Variants in CBLB observed in about 807,000 individuals in gnomAD.
The protein encoded by CBLB is E3 ubiquitin-protein ligase CBL-B.
Under a neutral mutation model 104.9 loss-of-function variants are expected in CBLB, and 31 were observed. The ratio of observed to expected loss-of-function variants is 0.30; its 90% CI spans 0.22 to 0.40. CBLB has a LOEUF of 0.40. CBLB is among the 10% of genes least tolerant of loss of function. The pLI, the probability that CBLB is intolerant of heterozygous loss-of-function variation, is 1.00. For synonymous variants in CBLB, 440 were observed against 422.6 expected (o/e 1.04, Z -0.51); for missense variants, 1,062 against 1,214.6 (o/e 0.87, Z 1.87).
intron 9 of CBLB, among the ~76,000 whole-genome samples, chr3:105,732,745 GC>G (rs2074449622): frequency 6.6e-6 from 1 of 152,234 alleles, no homozygotes; most frequent in Non-Finnish European, 1.5e-5. Flanking sequence ...GAGTCTGTCA[GC>G]CCCCTTCCAT....
intron 9 of CBLB, chr3:105,723,921 T>C (rs776135162): frequency 1.3e-5 from 2 of 154,826 alleles, no homozygotes; most frequent in African/African-American, 2.4e-5. Flanking sequence ...GGTATATACA[T>C]AGGGCCTCCT....
At chr3:105,698,605 C>CAAAAAAAAAAAAAAAAAAA in intron 12 of CBLB, among the ~76,000 whole-genome samples, 2 of 80,818 alleles carry the variant, frequency 2.5e-5, no homozygotes, top group Non-Finnish European at 4.8e-5. Context: ...ACCATTTGAC[C>CAAAAAAAAAAAAAAAAAAA]AAAAAAAAAA....
intron 3 of CBLB, among the ~76,000 whole-genome samples, chr3:105,790,989 C>G (rs1168787273): frequency 6.6e-6 from 1 of 152,184 alleles, no homozygotes; most frequent in Non-Finnish European, 1.5e-5. Flanking sequence ...CCAGGGAGAA[C>G]TGCATGAGTG....
At chr3:105,847,392 CCACACACACACACA>C (rs112192218) in intron 3 of CBLB, among the ~76,000 whole-genome samples, 123 of 143,538 alleles carry the variant, frequency 8.6e-4, no homozygotes, top group African/African-American at 2.5e-3. Context: ...TAACCCTCCA[CCACACACACACACA>C]CACACACACA....
chr3:105,746,160 TTA>T, intron 5 of CBLB, 122 bp from the exon 6 acceptor site: 1 of 699,920 alleles, frequency 1.4e-6, no homozygotes. Flanking sequence ...TAATCTGACC[TTA>T]TGTGGTTTAG....
chr3:105,866,561 T>C (rs2092437555), intron 2 of CBLB, among the ~76,000 whole-genome samples: 1 of 152,180 alleles, frequency 6.6e-6, no homozygotes, highest in Admixed American at 6.5e-5. Context: ...AAAAAAAGAA[T>C]TATTAATTTT....
At chr3:105,788,007 TGG>T in intron 3 of CBLB, among the ~76,000 whole-genome samples, 1 of 152,176 alleles carries the variant, frequency 6.6e-6, no homozygotes, top group Admixed American at 6.5e-5. Flanking sequence ...ATATGCCCAC[TGG>T]GAAACTTATG....
intron 3 of CBLB, among the ~76,000 whole-genome samples, chr3:105,783,383 A>G (rs1030530801): frequency 6.6e-6 from 1 of 152,168 alleles, no homozygotes; most frequent in Non-Finnish European, 1.5e-5. Context: ...CTTTTTCCAT[A>G]TAACTATCAT....
intron 10 of CBLB, among the ~76,000 whole-genome samples, chr3:105,715,120 G>A (rs2071663333): frequency 6.6e-6 from 1 of 152,152 alleles, no homozygotes; most frequent in African/African-American, 2.4e-5. Flanking sequence ...CTGGCAAAAT[G>A]AAGCAAATCA....
intron 3 of CBLB, among the ~76,000 whole-genome samples, chr3:105,832,758 T>TTATC (rs2087762326): frequency 6.6e-6 from 1 of 152,226 alleles, no homozygotes; most frequent in Non-Finnish European, 1.5e-5. Flanking sequence ...GATGAGTGCA[T>TTATC]TATCTATCCT....
intron 3 of CBLB, among the ~76,000 whole-genome samples, chr3:105,848,013 C>T (rs1244863053): frequency 6.6e-6 from 1 of 151,996 alleles, no homozygotes; most frequent in African/African-American, 2.4e-5. Flanking sequence ...ACCTTCTCTC[C>T]ACACATACAC....
chr3:105,766,875 C>T (rs537351593), intron 4 of CBLB, among the ~76,000 whole-genome samples: 1 of 152,206 alleles, frequency 6.6e-6, no homozygotes, highest in East Asian at 1.9e-4. Flanking sequence ...TTGTGATATT[C>T]TTTATGTGAT....
In CBLB at chr3:105,658,322, C is replaced by T; in HGVS notation, c.*648G>A. The T allele has an allele frequency of 4.5e-6, 1 of 221,444 alleles. No homozygotes were observed. The highest frequency in any genetic ancestry group is 2.2e-5 in the African/African-American group (1 of 44,778). 13.7% of individuals were successfully genotyped at this position (221,444 alleles called of 1,614,324 possible). A position where few individuals can be genotyped will look rare whatever the true frequency, so the allele number is the denominator to read the frequency against. ...TTTATTGACAAATAAATGCTTTATA[C>T]ATTCAGGTTTTTCCCATCTCTCAAT... On this transcript the variant is annotated 3_prime_UTR_variant, in exon 19 of 19. Transcript: ENST00000394030.
intron 18 of CBLB, among the ~76,000 whole-genome samples, chr3:105,665,037 C>T (rs2064217253): frequency 6.6e-6 from 1 of 152,150 alleles, no homozygotes; most frequent in Admixed American, 6.5e-5. Flanking sequence ...CAGGCTTACA[C>T]TTTCTGCAGC....
intron 3 of CBLB, among the ~76,000 whole-genome samples, chr3:105,838,824 G>A (rs565359973): frequency 6.6e-6 from 1 of 152,160 alleles, no homozygotes; most frequent in African/African-American, 2.4e-5. Flanking sequence ...ATTTTTAGTA[G>A]AGACAGGGTT....
Position 105,771,684 on chromosome 3 carries a change from A to C in CBLB, c.566+4712T>G, listed in dbSNP as rs2078892065. On this transcript the variant is annotated intron_variant, in intron 4 of 18. Coordinates refer to ENST00000394030, the MANE Select transcript of CBLB (RefSeq NM_170662.5). ...CAGATCTTATAAATGAATTCAGTAA[A>C]GTCTCTGGACACAAAATCAATGTAC... Among the ~76,000 whole-genome samples, 3 of 152,232 alleles carry C rather than the reference A, an allele frequency of 2.0e-5. No individual in the cohort carries two copies. In the South Asian group the frequency reaches 6.2e-4, roughly 31 times the overall value.
intron 1 of CBLB, among the ~76,000 whole-genome samples, chr3:105,867,868 A>T (rs1429968768): frequency 7.0e-6 from 1 of 142,808 alleles, no homozygotes; most frequent in Non-Finnish European, 1.5e-5. Context: ...CTGAACTAAT[A>T]CTCAACTCAT....
In CBLB at chr3:105,811,742, T is replaced by C. The variant is rs891777001; in HGVS notation, c.420-35200A>G. The stretch of plus-strand genomic sequence containing the variant: ...TTTTTTTTTTGAGACGGAGTTTCAC[T>C]CTTGTTCTCCGGGCTGGAGTGCAAC... On this transcript the variant is annotated intron_variant, in intron 3 of 18. Transcript: ENST00000394030. 1.2e-4 allele frequency among the ~76,000 whole-genome samples: 19 copies of C among 152,090 alleles called. No homozygotes were observed. In the East Asian group the frequency reaches 3.7e-3, roughly 29 times the overall value.
Position 105,685,632 on chromosome 3 carries a change from A to T in CBLB, c.2055-166T>A, listed in dbSNP as rs528240616. ...TCTTATATCAAATACAAATGAAAACAATTTTCAATCTTTTGTTAAGACCCT... is the reference window on the plus strand; with the variant it reads ...TCTTATATCAAATACAAATGAAAACTATTTTCAATCTTTTGTTAAGACCCT... On this transcript the variant is annotated intron_variant, in intron 13 of 18. Coordinates refer to ENST00000394030, the MANE Select transcript of CBLB (RefSeq NM_170662.5). Among the ~76,000 whole-genome samples the T allele has an allele frequency of 7.2e-5, 11 of 152,336 alleles. No homozygotes were observed. In the East Asian group the frequency reaches 2.1e-3, roughly 29 times the overall value.
Sources: allele counts gnomAD v4.1 joint callset (sites outside exome capture counted in the v4.1 genomes callset), GRCh38; gene constraint gnomAD v4.1.1; transcripts MANE v1.5; gene names NCBI Gene and HGNC (gene_info 2026-07-23, HGNC 2026-07-21).